The following MOCOS variants were observed in gnomAD, a reference collection of about 807,000 sequenced individuals.
MOCOS encodes human molybdenum cofactor sulfurase.
A neutral mutation model predicts 83.6 loss-of-function variants in MOCOS; 86 were observed. The observed-to-expected ratio is 1.03, with a 90% confidence interval of 0.86 to 1.23. The LOEUF is 1.23. Among genes scored for constraint, MOCOS ranks in the 50% most tolerant of loss-of-function variants. MOCOS has a pLI of 0.00. For synonymous variants in MOCOS, 445 were observed against 434.7 expected, an observed-to-expected ratio of 1.02 and a Z score of -0.29; for missense variants, 1,120 against 1,126.9, an observed-to-expected ratio of 0.99 and a Z score of 0.09.
At chr18:36,268,447 TTTAG>T in intron 14 of MOCOS, 82 bp from the exon 15 acceptor site, 1 of 1,565,294 alleles carries the variant, frequency 6.4e-7, no homozygotes, top group South Asian at 1.1e-5. Context: ...CTGACTTGAT[TTTAG>T]TTAAACATTA....
rs762408847 is a variant in MOCOS, at chr18:36,215,552, G to A, written c.1372G>A (p.Asp458Asn). ...CTGTGGGGACAATATGGACCTCATA[G>A]ATGGGCAGCCCACAGGATCTGTGAG... is the stretch of plus-strand genomic sequence containing the variant. ...HVCGDNMDLIDGQPTGSVRIS... is the reference protein window; with the variant it reads ...HVCGDNMDLINGQPTGSVRIS... Residue 458 changes from aspartate to asparagine, a missense_variant, in exon 8 of 15, where the codon GAT becomes AAT. Transcript: ENST00000261326. 24 of 1,614,156 alleles carry A rather than the reference G, an allele frequency of 1.5e-5. No homozygotes were observed. The South Asian group carries it at 2.5e-4, about 17-fold the overall frequency.
intron 6 of MOCOS, among the ~76,000 whole-genome samples, chr18:36,206,682 T>G (rs1203597986): frequency 6.6e-6 from 1 of 152,226 alleles, no homozygotes; most frequent in Non-Finnish European, 1.5e-5. Context: ...GGTTTTCTTC[T>G]TTGTGTCCAT....
In MOCOS at chr18:36,249,014, G is replaced by A. The variant is rs1168194050; in HGVS notation, c.2039+14G>A. 1 of 1,612,246 alleles carries A rather than the reference G, an allele frequency of 6.2e-7. No individual in the cohort carries two copies. ...CTGTGCTGACAGGTGAGACTCTGAA[G>A]CACGTGAAAATCTCAGCTTTATTGA... On this transcript the variant is annotated intron_variant, in intron 10 of 14. Coordinates refer to ENST00000261326, the MANE Select transcript of MOCOS (RefSeq NM_017947.4).
chr18:36,258,844 A>G (rs1328336732), intron 12 of MOCOS, among the ~76,000 whole-genome samples: 1 of 152,132 alleles, frequency 6.6e-6, no homozygotes, highest in African/African-American at 2.4e-5. Flanking sequence ...TAAACACATT[A>G]AGTGTTTTGG....
rs2091386357 is a variant in MOCOS at position 36,196,098 on chromosome 18, G to C, written c.232+752G>C. On this transcript the variant is annotated intron_variant, in intron 2 of 14. Transcript: ENST00000261326. ...GAGAAGAGTGGGAGAGGTCTGAATG[G>C]GGAGGGAGGGAGAAGAAGCCAGTGC... Among the ~76,000 whole-genome samples the C allele has an allele frequency of 3.9e-5, 6 of 152,272 alleles. No homozygotes were observed. In the South Asian group the frequency reaches 1.2e-3, roughly 32 times the overall value.
chr18:36,266,976 GT>G (rs1403612640), intron 14 of MOCOS, 123 bp downstream of exon 14: 1 of 815,456 alleles, frequency 1.2e-6, no homozygotes, highest in African/African-American at 1.7e-5. Context: ...ATCCAAAGCT[GT>G]TGGGCTGCCA....
In MOCOS at chr18:36,268,799, G is replaced by C; in HGVS notation, c.*114G>C. 1 of 924,902 alleles carries C rather than the reference G, an allele frequency of 1.1e-6. No homozygotes were observed. Among genetic ancestry groups the C allele is most frequent in the East Asian group, 2.6e-5 (1 of 38,650 alleles). The allele number at this position is 924,902 out of a possible 1,614,324, so 57.3% of individuals were successfully genotyped here. Reference sequence around the variant, plus strand: ...GAATAAGGAGAGCTCTTTTTCTTTAGAGGCAGGGAATGCTCTCACCTGCTT... The same window carrying C: ...GAATAAGGAGAGCTCTTTTTCTTTACAGGCAGGGAATGCTCTCACCTGCTT... On this transcript the variant is annotated 3_prime_UTR_variant, in exon 15 of 15. Coordinates refer to ENST00000261326, the MANE Select transcript of MOCOS (RefSeq NM_017947.4).
At chr18:36,199,589 A>G in intron 3 of MOCOS, 94 bp from the exon 4 acceptor site, 1 of 1,565,498 alleles carries the variant, frequency 6.4e-7, no homozygotes, top group African/African-American at 1.3e-5. Context: ...CCATTAAGGT[A>G]GAGATGTCAT....
chr18:36,214,429 G>T (rs1568054484), intron 7 of MOCOS, among the ~76,000 whole-genome samples: 1 of 152,022 alleles, frequency 6.6e-6, no homozygotes, highest in Non-Finnish European at 1.5e-5. Flanking sequence ...CGGCCTCCAA[G>T]CTAGAGTTAG....
intron 1 of MOCOS, among the ~76,000 whole-genome samples, chr18:36,192,806 G>A (rs1055505226): frequency 4.6e-5 from 7 of 151,744 alleles, no homozygotes; most frequent in Admixed American, 1.3e-4. Context: ...CGCCATTACC[G>A]CCTGGCTAAT....
chr18:36,237,971 T>C (rs2091565851), intron 9 of MOCOS, among the ~76,000 whole-genome samples: 1 of 152,196 alleles, frequency 6.6e-6, no homozygotes, highest in Non-Finnish European at 1.5e-5. Flanking sequence ...GTGGGATTGG[T>C]GGTGATATCC....
At position 36,221,176 on chromosome 18, in the gene MOCOS, A is replaced by G. The variant is rs201442892; in HGVS notation, c.1960+959A>G. Among the ~76,000 whole-genome samples, 3 of 152,200 alleles carry G rather than the reference A, an allele frequency of 2.0e-5. No individual in the cohort carries two copies. In the East Asian group the frequency reaches 5.8e-4, roughly 29 times the overall value. ...TTGTCCAGTTTAGTGGCCACCAGTCACTTGTGACTATTGAAATGTGGCTAG... is the reference window on the plus strand; with the variant it reads ...TTGTCCAGTTTAGTGGCCACCAGTCGCTTGTGACTATTGAAATGTGGCTAG... On this transcript the variant is annotated intron_variant, in intron 9 of 14. Transcript: ENST00000261326.
At chr18:36,241,684 G>A (rs1252080223) in intron 9 of MOCOS, among the ~76,000 whole-genome samples, 1 of 152,234 alleles carries the variant, frequency 6.6e-6, no homozygotes, top group East Asian at 1.9e-4. Flanking sequence ...CTCTAGCAGA[G>A]GTTCTGCATG....
intron 6 of MOCOS, among the ~76,000 whole-genome samples, chr18:36,210,900 C>A (rs2091453320): frequency 7.5e-6 from 1 of 132,942 alleles, no homozygotes; most frequent in African/African-American, 2.8e-5. Flanking sequence ...TGTGCTGTGG[C>A]AGTGGCATGG....
intron 11 of MOCOS, among the ~76,000 whole-genome samples, chr18:36,255,941 G>A (rs1598593798): frequency 6.8e-6 from 1 of 147,664 alleles, no homozygotes; most frequent in East Asian, 2.0e-4. Context: ...TGCTCAGACT[G>A]GAGTGCAATA....
chr18:36,193,844 G>C lies in MOCOS; in HGVS notation c.143-1413G>C, dbSNP rs74578522. Among the ~76,000 whole-genome samples the C allele has an allele frequency of 7.5e-3, 1,146 of 152,246 alleles. 27 individuals carry two copies. Among genetic ancestry groups the C allele is most frequent in the East Asian group, 0.041 (215 of 5,184 alleles). ...CATCCACACAAAAACTTGTACACCA[G>C]TATTCATACCAGCAATCATTTATAA... On this transcript the variant is annotated intron_variant, in intron 1 of 14. Coordinates refer to ENST00000261326, the MANE Select transcript of MOCOS (RefSeq NM_017947.4).
At chr18:36,254,901 T>C (rs980765386) in intron 11 of MOCOS, among the ~76,000 whole-genome samples, 4 of 152,114 alleles carry the variant, frequency 2.6e-5, no homozygotes, top group Admixed American at 2.6e-4. Flanking sequence ...TTATTTTTTA[T>C]TTTTAATAGA....
At chr18:36,260,890 C>T (rs1199741602) in intron 13 of MOCOS, among the ~76,000 whole-genome samples, 1 of 151,808 alleles carries the variant, frequency 6.6e-6, no homozygotes, top group Non-Finnish European at 1.5e-5. Context: ...CCTGCCTTAG[C>T]CCTTGCCATC....
chr18:36,241,003 G>A (rs1468128876), intron 9 of MOCOS, among the ~76,000 whole-genome samples: 1 of 152,194 alleles, frequency 6.6e-6, no homozygotes. Flanking sequence ...CGCGCACGGT[G>A]CGTGCACCCA....
Sources: gnomAD v4.1 joint callset for allele counts (sites outside exome capture counted in the v4.1 genomes callset) on GRCh38, gnomAD v4.1.1 for gene constraint, MANE v1.5 for transcripts, NCBI Gene and HGNC (gene_info 2026-07-23, HGNC 2026-07-21) for gene names.